GALNT17: variants seen among roughly 807,000 people sequenced by gnomAD.
The protein encoded by GALNT17 is polypeptide N-acetylgalactosaminyltransferase 17.
A neutral mutation model predicts 63.7 loss-of-function variants in GALNT17; 29 were observed. The ratio of observed to expected loss-of-function variants is 0.46; its 90% confidence interval spans 0.34 to 0.62. The LOEUF is 0.62. Among genes scored for constraint, GALNT17 ranks in the 20% least tolerant of loss-of-function variants. The pLI is 0.01. For synonymous variants in GALNT17, 305 were observed against 318.3 expected, an observed-to-expected ratio of 0.96 and a Z score of 0.45; for missense variants, 603 against 799.6, an observed-to-expected ratio of 0.75 and a Z score of 2.97.
At chr7:71,173,467 T>TTATTAA (rs1788581243) in intron 1 of GALNT17, among the ~76,000 whole-genome samples, 1 of 152,194 alleles carries the variant, frequency 6.6e-6, no homozygotes, top group Non-Finnish European at 1.5e-5. Flanking sequence ...TATTACTGTC[T>TTATTAA]TTCTTATTAA....
intron 6 of GALNT17, among the ~76,000 whole-genome samples, chr7:71,595,273 A>G (rs1159596365): frequency 2.0e-5 from 3 of 152,000 alleles, no homozygotes; most frequent in African/African-American, 7.2e-5. Context: ...AATAAAAATA[A>G]TAACAGTTTA....
intron 5 of GALNT17, among the ~76,000 whole-genome samples, chr7:71,519,621 G>A (rs1282831459): frequency 6.6e-6 from 1 of 152,034 alleles, no homozygotes; most frequent in African/African-American, 2.4e-5. Flanking sequence ...GCACCACCAC[G>A]CCCAGGTAAT....
chr7:71,456,421 G>A (rs1031636387), intron 5 of GALNT17, among the ~76,000 whole-genome samples: 3 of 152,032 alleles, frequency 2.0e-5, no homozygotes, highest in Non-Finnish European at 4.4e-5. Context: ...AGCCTTGGCC[G>A]GGCGTAGTGG....
At chr7:71,488,024 A>T (rs1787941382) in intron 5 of GALNT17, among the ~76,000 whole-genome samples, 1 of 151,968 alleles carries the variant, frequency 6.6e-6, no homozygotes, top group South Asian at 2.1e-4. Flanking sequence ...TTAAAAATTA[A>T]CTGGGCGTGG....
At chr7:71,386,444 C>T (rs1239268250) in intron 2 of GALNT17, among the ~76,000 whole-genome samples, 1 of 152,104 alleles carries the variant, frequency 6.6e-6, no homozygotes, top group African/African-American at 2.4e-5. Context: ...GTGCAGGTAC[C>T]TCGGCACTCC....
At chr7:71,585,973 C>T (rs1448220428) in intron 6 of GALNT17, among the ~76,000 whole-genome samples, 2 of 148,944 alleles carry the variant, frequency 1.3e-5, no homozygotes, top group Admixed American at 6.8e-5. Context: ...TGCAGTGGCA[C>T]GATCTTGGCT....
intron 9 of GALNT17, among the ~76,000 whole-genome samples, chr7:71,708,964 A>G (rs1791755234): frequency 6.6e-6 from 1 of 152,204 alleles, no homozygotes; most frequent in Non-Finnish European, 1.5e-5. Context: ...TTCACCATTT[A>G]TGGGCACGTG....
At chr7:71,470,397 A>C (rs912057878) in intron 5 of GALNT17, among the ~76,000 whole-genome samples, 1 of 152,084 alleles carries the variant, frequency 6.6e-6, no homozygotes, top group African/African-American at 2.4e-5. Context: ...GCAGAAGCCA[A>C]CTTGAACGGA....
chr7:71,638,184 A>T (rs895893626), intron 6 of GALNT17, among the ~76,000 whole-genome samples: 2 of 152,342 alleles, frequency 1.3e-5, no homozygotes, highest in Non-Finnish European at 2.9e-5. Context: ...TATAATTAGC[A>T]TATAGTGAGC....
At chr7:71,584,819 A>T (rs1789691776) in intron 6 of GALNT17, among the ~76,000 whole-genome samples, 1 of 151,966 alleles carries the variant, frequency 6.6e-6, no homozygotes, top group Non-Finnish European at 1.5e-5. Flanking sequence ...CAGTGGCGCG[A>T]TCTCCACTCA....
At chr7:71,270,397 C>T (rs6974250) in intron 1 of GALNT17, among the ~76,000 whole-genome samples, 76,378 of 151,512 alleles carry the variant, frequency 0.5, 19,682 homozygotes, top group Non-Finnish European at 0.54. Context: ...TGGTGGTGGG[C>T]GCTTGTAATC....
rs888715434 is a variant in GALNT17, at chr7:71,342,758, A to G, written c.422+7025A>G. Among the ~76,000 whole-genome samples, 7 of 152,234 alleles carry G rather than the reference A, an allele frequency of 4.6e-5. No homozygotes were observed. In the South Asian group the frequency reaches 1.4e-3, roughly 31 times the overall value. On this transcript the variant is annotated intron_variant, in intron 2 of 10. Transcript: ENST00000333538. ...ATCTTCAGTAGCAGGAAGTCAATTG[A>G]AAATGTGTATTACACATCAAGAAAT...
At chr7:71,281,796 C>T (rs1470981412) in intron 1 of GALNT17, among the ~76,000 whole-genome samples, 1 of 152,190 alleles carries the variant, frequency 6.6e-6, no homozygotes. Flanking sequence ...GACCTAACCA[C>T]CTCCCAGTGT....
chr7:71,364,050 G>A (rs1792456001), intron 2 of GALNT17, among the ~76,000 whole-genome samples: 1 of 152,148 alleles, frequency 6.6e-6, no homozygotes, highest in Admixed American at 6.5e-5. Context: ...TGGGGTACAG[G>A]TGGTATTTGG....
chr7:71,377,996 C>G (rs1287150437), intron 2 of GALNT17, among the ~76,000 whole-genome samples: 1 of 152,150 alleles, frequency 6.6e-6, no homozygotes, highest in East Asian at 1.9e-4. Context: ...TGAAAACGGA[C>G]TCATACAATA....
chr7:71,598,886 TG>T (rs1387717483), intron 6 of GALNT17, among the ~76,000 whole-genome samples: 1 of 140,514 alleles, frequency 7.1e-6, no homozygotes, highest in Non-Finnish European at 1.5e-5. Flanking sequence ...TGGTGGGTGG[TG>T]GGGGTGGTGT....
intron 1 of GALNT17, among the ~76,000 whole-genome samples, chr7:71,269,517 C>A (rs62457817): frequency 0.12 from 17,738 of 152,106 alleles, 1,208 homozygotes; most frequent in South Asian, 0.21. Flanking sequence ...CCTCTTCTCT[C>A]GTCTGCCTTG....
rs137868705 is a variant in GALNT17, at chr7:71,178,918, C to G, written c.238+45878C>G. On this transcript the variant is annotated intron_variant, in intron 1 of 10. Transcript: ENST00000333538. ...TTCAGATTATATTTTTTCATTTCATCACCTGTCTAGTGATTTTTGATCAAT... is the reference window on the plus strand; with the variant it reads ...TTCAGATTATATTTTTTCATTTCATGACCTGTCTAGTGATTTTTGATCAAT... 4.9e-3 allele frequency among the ~76,000 whole-genome samples: 747 copies of G among 152,084 alleles called. 7 individuals carry two copies. Among genetic ancestry groups the G allele is most frequent in the African/African-American group, 0.017 (703 of 41,488 alleles).
intron 1 of GALNT17, among the ~76,000 whole-genome samples, chr7:71,315,511 A>T (rs1791484253): frequency 6.6e-6 from 1 of 152,212 alleles, no homozygotes; most frequent in Admixed American, 6.5e-5. Context: ...GAGAGCACTT[A>T]AAATTGGATC....
Sources: gnomAD v4.1 joint callset for allele counts (sites outside exome capture counted in the v4.1 genomes callset) on GRCh38, gnomAD v4.1.1 for gene constraint, MANE v1.5 for transcripts, NCBI Gene and HGNC (gene_info 2026-07-23, HGNC 2026-07-21) for gene names.